MEMO1: variants seen among roughly 807,000 people sequenced by gnomAD.
MEMO1 encodes protein MEMO1.
A neutral mutation model predicts 45.2 loss-of-function variants in MEMO1; 6 were observed. That is an observed-to-expected ratio of 0.13 (90% CI 0.07 to 0.26). MEMO1 has a LOEUF of 0.26. MEMO1 is among the 10% of genes least tolerant of loss of function. MEMO1 has a pLI of 1.00. For missense variants in MEMO1, 184 were observed against 370.5 expected, an observed-to-expected ratio of 0.50 and a Z score of 4.13; for synonymous variants, 78 against 124.3, an observed-to-expected ratio of 0.63 and a Z score of 2.48.
At chr2:31,932,240 A>C (rs1379145260) in intron 3 of MEMO1, 105 bp from the exon 4 acceptor site, 9 of 839,386 alleles carry the variant, frequency 1.1e-5, no homozygotes, top group African/African-American at 1.7e-5. Flanking sequence ...AACACAACAG[A>C]ATTGAGAGCA....
chr2:31,923,541 T>C (rs1682645154), intron 4 of MEMO1: 1 of 1,282,604 alleles, frequency 7.8e-7, no homozygotes, highest in Non-Finnish European at 1.0e-6. Flanking sequence ...ATAAATAACA[T>C]GACACTTTGT....
intron 2 of MEMO1, among the ~76,000 whole-genome samples, chr2:32,002,701 C>T (rs1235577842): frequency 6.6e-6 from 1 of 152,142 alleles, no homozygotes; most frequent in African/African-American, 2.4e-5. Context: ...GGATTATATA[C>T]ATACATACGT....
intron 2 of MEMO1, among the ~76,000 whole-genome samples, chr2:31,989,276 T>C (rs1671653353): frequency 6.6e-6 from 1 of 151,476 alleles, no homozygotes; most frequent in African/African-American, 2.4e-5. Context: ...AGTGGGCTTG[T>C]CACATCAGGG....
intron 5 of MEMO1, among the ~76,000 whole-genome samples, chr2:31,919,952 G>A (rs989486951): frequency 0.047 from 232 of 4,986 alleles, no homozygotes; most frequent in African/African-American, 0.13. Context: ...ACATACACGT[G>A]TGTGTGTGTG....
Position 32,007,087 on chromosome 2 carries a change from A to G in MEMO1, c.61+3100T>C, listed in dbSNP as rs78530282. On this transcript the variant is annotated intron_variant, in intron 2 of 9. Coordinates refer to ENST00000404530, the MANE Select transcript of MEMO1 (RefSeq NM_001301833.4). ...AAACCTCCATTGGTCCTCACTCTCA[A>G]CTGAGTAAGTCCAGTCCCAATGATG... Among the ~76,000 whole-genome samples the G allele has an allele frequency of 9.6e-3, 1,469 of 152,290 alleles. 26 individuals carry two copies. The highest frequency in any genetic ancestry group is 0.048 in the South Asian group (230 of 4,826).
intron 3 of MEMO1, among the ~76,000 whole-genome samples, chr2:31,939,491 T>G (rs1425893401): frequency 6.6e-6 from 1 of 152,190 alleles, no homozygotes; most frequent in Non-Finnish European, 1.5e-5. Flanking sequence ...GAAACAAGTC[T>G]GGCTACTTTT....
At chr2:31,970,199 G>C (rs937365661) in intron 2 of MEMO1, among the ~76,000 whole-genome samples, 1 of 151,980 alleles carries the variant, frequency 6.6e-6, no homozygotes, top group Non-Finnish European at 1.5e-5. Context: ...CTGAACTCCT[G>C]ACCTCAAGCA....
intron 8 of MEMO1, among the ~76,000 whole-genome samples, chr2:31,876,949 G>T (rs1392977067): frequency 1.3e-5 from 2 of 152,110 alleles, no homozygotes; most frequent in Non-Finnish European, 2.9e-5. Context: ...TGGTCTACAC[G>T]TTATCTCTTC....
chr2:31,893,990 T>C (rs1177677157), intron 6 of MEMO1, among the ~76,000 whole-genome samples: 1 of 152,140 alleles, frequency 6.6e-6, no homozygotes, highest in Non-Finnish European at 1.5e-5. Flanking sequence ...ACTCATGAAT[T>C]AGAGAAAAGA....
At chr2:31,964,328 T>G (rs1001944153) in intron 2 of MEMO1, among the ~76,000 whole-genome samples, 3 of 151,738 alleles carry the variant, frequency 2.0e-5, no homozygotes, top group Non-Finnish European at 4.4e-5. Context: ...GATTAAAGAC[T>G]TAACAGACAT....
chr2:31,952,424 T>G (rs1480870897), intron 2 of MEMO1, among the ~76,000 whole-genome samples: 1 of 152,176 alleles, frequency 6.6e-6, no homozygotes, highest in Non-Finnish European at 1.5e-5. Context: ...AGTCTCAAAA[T>G]TTTCAGAGCT....
chr2:31,992,786 ATTT>A lies in MEMO1; in HGVS notation c.61+17398_61+17400del, dbSNP rs1324448609. Among the ~76,000 whole-genome samples, 109 of 152,250 alleles carry A rather than the reference ATTT, an allele frequency of 7.2e-4. 1 individual carries two copies. Among genetic ancestry groups the A allele is most frequent in the African/African-American group, 2.6e-3 (107 of 41,500 alleles). On this transcript the variant is annotated intron_variant, in intron 2 of 9. Transcript: ENST00000404530. ...GTGACAGAGTGAGACTCCGTCTCAA[ATTT>A]AAAAAAAAAATGAATTAATAAAATA...
chr2:31,938,422 G>A lies in MEMO1; in HGVS notation c.143+4880C>T, dbSNP rs182345055. Among the ~76,000 whole-genome samples, 526 of 151,870 alleles carry A rather than the reference G, an allele frequency of 3.5e-3. 6 individuals are homozygous for A. The highest frequency in any genetic ancestry group is 0.028 in the Admixed American group (429 of 15,240). On this transcript the variant is annotated intron_variant, in intron 3 of 9. Coordinates refer to ENST00000404530, the MANE Select transcript of MEMO1 (RefSeq NM_001301833.4). ...AGCACTTTGGGAGGCCGAGGCAGGC[G>A]GATCACGAGGTCAGGAGATCGAGAC... is the stretch of plus-strand genomic sequence containing the variant.
At chr2:31,952,394 T>A (rs1429362776) in intron 2 of MEMO1, among the ~76,000 whole-genome samples, 1 of 152,192 alleles carries the variant, frequency 6.6e-6, no homozygotes, top group Admixed American at 6.5e-5. Context: ...CACTTACTAC[T>A]TTTCTGTCCG....
At chr2:31,899,143 C>G (rs551726600) in intron 6 of MEMO1, among the ~76,000 whole-genome samples, 4 of 152,196 alleles carry the variant, frequency 2.6e-5, no homozygotes, top group Non-Finnish European at 5.9e-5. Context: ...CTATTCCCAT[C>G]AAGCTACCAT....
Position 31,943,295 on chromosome 2 carries a change from G to C in MEMO1, c.143+7C>G, listed in dbSNP as rs1249385523. ...ACAAAACAAAAACAAAAACAAAAAA[G>C]ACTTACGGGGCAATAATGGCTCTAG... is the stretch of plus-strand genomic sequence containing the variant. On this transcript the variant is annotated splice_region_variant and intron_variant, in intron 3 of 9. Coordinates refer to ENST00000404530, the MANE Select transcript of MEMO1 (RefSeq NM_001301833.4). The C allele has an allele frequency of 6.2e-7, 1 of 1,608,244 alleles. No individual in the cohort carries two copies. Among genetic ancestry groups the C allele is most frequent in the Non-Finnish European group, 8.5e-7 (1 of 1,174,878 alleles).
chr2:31,894,021 A>C (rs140723768), intron 6 of MEMO1, among the ~76,000 whole-genome samples: 9 of 152,342 alleles, frequency 5.9e-5, no homozygotes, highest in Non-Finnish European at 8.8e-5. Flanking sequence ...TTGAAATGTA[A>C]TACTACTAGG....
intron 4 of MEMO1, among the ~76,000 whole-genome samples, chr2:31,930,711 T>C (rs529768231): frequency 6.6e-6 from 1 of 152,114 alleles, no homozygotes; most frequent in East Asian, 1.9e-4. Context: ...GGTGGCGCGA[T>C]CTTGGCTCAC....
intron 2 of MEMO1, among the ~76,000 whole-genome samples, chr2:32,007,767 A>T (rs115257706): frequency 6.6e-6 from 1 of 152,216 alleles, no homozygotes; most frequent in African/African-American, 2.4e-5. Flanking sequence ...CCAAAGGTCA[A>T]TGTTATCAAT....
Sources: allele counts gnomAD v4.1 joint callset (sites outside exome capture counted in the v4.1 genomes callset), GRCh38; gene constraint gnomAD v4.1.1; transcripts MANE v1.5; gene names NCBI Gene and HGNC (gene_info 2026-07-23, HGNC 2026-07-21).